Variants in PARD3B observed in about 807,000 individuals in gnomAD.
PARD3B encodes the protein partitioning defective 3 homolog B.
PARD3B carries 103 observed loss-of-function variants against 130.2 expected under a neutral mutation model. That is an observed-to-expected ratio of 0.79 (90% confidence interval 0.67 to 0.93). The LOEUF is 0.93. PARD3B is among the 40% of genes least tolerant of loss of function. The pLI, the probability that PARD3B is intolerant of heterozygous loss-of-function variation, is 0.00. For synonymous variants in PARD3B, 583 were observed against 553.2 expected (o/e 1.05, Z -0.76); for missense variants, 1,609 against 1,499.2 (o/e 1.07, Z -1.21).
At chr2:205,582,404 AAAAT>A (rs1482347991) in intron 22 of PARD3B, among the ~76,000 whole-genome samples, 2 of 152,192 alleles carry the variant, frequency 1.3e-5, no homozygotes, top group African/African-American at 4.8e-5. Context: ...AAAGCAGAAA[AAAAT>A]AAAATTAAGT....
rs1003869667 is a variant in PARD3B at position 205,078,601 on chromosome 2, T to A, written c.505-25825T>A. On this transcript the variant is annotated intron_variant, in intron 4 of 22. Transcript: ENST00000406610. This position sits in a 1 kb window ranked among gnomAD's most constrained non-coding sequence, Gnocchi z 4.0. ...TTAATCCATAGGGTAAGTGTGGAGA[T>A]TGTCAAACATGTTAATAAAATATTT... is the stretch of plus-strand genomic sequence containing the variant. Among the ~76,000 whole-genome samples the A allele has an allele frequency of 1.3e-5, 2 of 152,226 alleles. No homozygotes were observed. Among genetic ancestry groups the A allele is most frequent in the African/African-American group, 4.8e-5 (2 of 41,472 alleles).
intron 18 of PARD3B, among the ~76,000 whole-genome samples, chr2:205,386,370 C>T (rs2045660917): frequency 6.6e-6 from 1 of 152,134 alleles, no homozygotes; most frequent in South Asian, 2.1e-4. Context: ...ACCTTGACCC[C>T]ATTACCACAG....
At position 205,224,366 on chromosome 2, in the gene PARD3B, G is replaced by A. The variant is rs1292080587; in HGVS notation, c.2141-21412G>A. ...AGCCTGGGCCACAGAGCGAGACTCC[G>A]TCTCAAAAAAAAAAAAAAAAAAGAA... On this transcript the variant is annotated intron_variant, in intron 15 of 22. Coordinates refer to ENST00000406610, the MANE Select transcript of PARD3B (RefSeq NM_001302769.2). Among the ~76,000 whole-genome samples the A allele has an allele frequency of 1.6e-3, 7 of 4,328 alleles. 1 individual carries two copies. Among genetic ancestry groups the A allele is most frequent in the African/African-American group, 5.2e-3 (1 of 194 alleles). The allele number at this position is 4,328 out of a possible 152,430, so 2.8% of individuals were successfully genotyped here.
chr2:205,245,692 T>C (rs1366710576), intron 15 of PARD3B, 86 bp from the exon 16 acceptor site: 20 of 1,079,286 alleles, frequency 1.9e-5, no homozygotes, highest in Non-Finnish European at 2.6e-5. Flanking sequence ...ATTTAACTTA[T>C]TATGAATCTG....
intron 1 of PARD3B, among the ~76,000 whole-genome samples, chr2:204,630,750 G>T (rs1034123267): frequency 6.6e-6 from 1 of 152,090 alleles, no homozygotes; most frequent in Non-Finnish European, 1.5e-5. Context: ...TAGTTTATGT[G>T]TATAGAGATA....
rs1450909478 is a variant in PARD3B at position 205,091,470 on chromosome 2, A to G, written c.505-12956A>G. ...GGGTGGCCATTAGAATATCCTCCCC[A>G]CATTCACTCAGGCTTGTTGTTGTTG... is the stretch of plus-strand genomic sequence containing the variant. On this transcript the variant is annotated intron_variant, in intron 4 of 22. Transcript: ENST00000406610. This position sits in a 1 kb window ranked among gnomAD's most constrained non-coding sequence, Gnocchi z 4.2. Among the ~76,000 whole-genome samples, 1 of 152,136 alleles carries G rather than the reference A, an allele frequency of 6.6e-6. No homozygotes were observed. The highest frequency in any genetic ancestry group is 1.5e-5 in the Non-Finnish European group (1 of 68,024).
chr2:205,531,188 T>C (rs2051576115), intron 21 of PARD3B, among the ~76,000 whole-genome samples: 1 of 152,166 alleles, frequency 6.6e-6, no homozygotes, highest in Admixed American at 6.5e-5. Context: ...TCCACTTAAA[T>C]CAAGAGGGGA....
At chr2:205,609,343 C>G (rs542570332) in intron 22 of PARD3B, among the ~76,000 whole-genome samples, 7 of 152,252 alleles carry the variant, frequency 4.6e-5, no homozygotes, top group African/African-American at 1.4e-4. Flanking sequence ...GAAGAAAGCA[C>G]CGACCCCAGC....
chr2:204,755,361 C>A (rs1434403522), intron 2 of PARD3B, among the ~76,000 whole-genome samples: 1 of 151,848 alleles, frequency 6.6e-6, no homozygotes, highest in Non-Finnish European at 1.5e-5. Context: ...TTCTTTTTTC[C>A]CGAAAGGCAG....
At chr2:205,279,322 G>A (rs1183532032) in intron 16 of PARD3B, among the ~76,000 whole-genome samples, 1 of 151,990 alleles carries the variant, frequency 6.6e-6, no homozygotes, top group African/African-American at 2.4e-5. Flanking sequence ...ACACATGCTG[G>A]AACTATACCT....
At chr2:204,791,064 C>T (rs1432338203) in intron 2 of PARD3B, among the ~76,000 whole-genome samples, 1 of 151,908 alleles carries the variant, frequency 6.6e-6, no homozygotes, top group African/African-American at 2.4e-5. Context: ...AAGATGACGC[C>T]ACCGCCCTCC....
In PARD3B at chr2:205,550,367, G is replaced by A. The variant is rs187560428; in HGVS notation, c.3181-2957G>A. Among the ~76,000 whole-genome samples the A allele has an allele frequency of 3.1e-4, 47 of 152,224 alleles. No homozygotes were observed. The highest frequency in any genetic ancestry group is 3.0e-3 in the Admixed American group (46 of 15,266). ...CAGGCCTGTTTCCATGAGGAGACCC[G>A]CTGGATTTCTTCATTGCTTTGAATA... On this transcript the variant is annotated intron_variant, in intron 21 of 22. Coordinates refer to ENST00000406610, the MANE Select transcript of PARD3B (RefSeq NM_001302769.2). The surrounding 1 kb of genome is among the most constrained non-coding windows in gnomAD (Gnocchi z 4.5).
intron 2 of PARD3B, among the ~76,000 whole-genome samples, chr2:204,961,549 T>A (rs1336494929): frequency 2.0e-5 from 3 of 152,148 alleles, no homozygotes; most frequent in Non-Finnish European, 2.9e-5. Context: ...AAGGTCTGGG[T>A]TGCACCACTT....
chr2:204,663,389 T>C lies in PARD3B; in HGVS notation c.121-22792T>C, dbSNP rs568602194. Among the ~76,000 whole-genome samples, 6 of 152,336 alleles carry C rather than the reference T, an allele frequency of 3.9e-5. No homozygotes were observed. The East Asian group carries it at 1.2e-3, about 29-fold the overall frequency. ...GTTGCAGTGTCAGTGCTTAAAGGTA[T>C]TTGCTGAACTTACAATCATATTGGG... On this transcript the variant is annotated intron_variant, in intron 1 of 22. Transcript: ENST00000406610.
intron 2 of PARD3B, among the ~76,000 whole-genome samples, chr2:204,905,328 G>A (rs746366599): frequency 5.3e-5 from 8 of 152,164 alleles, no homozygotes; most frequent in Non-Finnish European, 7.3e-5. Flanking sequence ...GACCTGGCAT[G>A]GTGGGAGAGG....
chr2:204,827,123 A>C (rs894836897), intron 2 of PARD3B, among the ~76,000 whole-genome samples: 1 of 152,236 alleles, frequency 6.6e-6, no homozygotes, highest in African/African-American at 2.4e-5. Context: ...ATTTGCTCAG[A>C]AAATAAAAAC....
intron 2 of PARD3B, among the ~76,000 whole-genome samples, chr2:204,789,556 G>A (rs1415014285): frequency 6.6e-6 from 1 of 152,204 alleles, no homozygotes; most frequent in East Asian, 1.9e-4. Context: ...ATTTAGGAAA[G>A]TGATGTCATG....
intron 13 of PARD3B, among the ~76,000 whole-genome samples, chr2:205,178,237 AAAG>A (rs2035594162): frequency 6.6e-6 from 1 of 151,386 alleles, no homozygotes; most frequent in Non-Finnish European, 1.5e-5. Context: ...GGGAAAAAAA[AAAG>A]AAGAAGCTGA....
intron 18 of PARD3B, among the ~76,000 whole-genome samples, chr2:205,374,273 G>A (rs950161591): frequency 6.6e-6 from 1 of 151,656 alleles, no homozygotes; most frequent in Non-Finnish European, 1.5e-5. Flanking sequence ...ATCTTTCTCG[G>A]TAGCCCAGGC....
Sources: allele counts gnomAD v4.1 joint callset (sites outside exome capture counted in the v4.1 genomes callset), GRCh38; gene constraint gnomAD v4.1.1; non-coding constraint Gnocchi (gnomAD v3.1); transcripts MANE v1.5; gene names NCBI Gene and HGNC (gene_info 2026-07-23, HGNC 2026-07-21).